The following THSD7A variants were observed in gnomAD, a reference collection of about 807,000 sequenced individuals.
THSD7A encodes thrombospondin type-1 domain-containing protein 7A.
In THSD7A, 96 loss-of-function variants were observed where a neutral mutation model predicts 231.3. The ratio of observed to expected loss-of-function variants is 0.41; its 90% CI spans 0.35 to 0.49. The LOEUF (loss-of-function observed/expected upper bound fraction) is 0.49, where lower values mean the gene tolerates loss of function less well. Ranked by LOEUF, THSD7A falls within the 20% of genes least tolerant of loss-of-function variation. THSD7A has a pLI of 0.05. For missense variants in THSD7A, 2,290 were observed against 2,070.2 expected, an observed-to-expected ratio of 1.11 and a Z score of -2.06; for synonymous variants, 940 against 743.3, an observed-to-expected ratio of 1.26 and a Z score of -4.30.
intron 1 of THSD7A, among the ~76,000 whole-genome samples, chr7:11,693,015 A>T (rs1043798960): frequency 6.6e-6 from 1 of 151,470 alleles, no homozygotes; most frequent in Admixed American, 6.6e-5. Context: ...TGTTTGTTTT[A>T]GAATACACTG....
intron 4 of THSD7A, among the ~76,000 whole-genome samples, chr7:11,567,611 C>T (rs1361766792): frequency 6.6e-6 from 1 of 152,118 alleles, no homozygotes; most frequent in African/African-American, 2.4e-5. Flanking sequence ...TTAAAACTAC[C>T]GATAGCTGGA....
chr7:11,697,171 T>C (rs1035369821), intron 1 of THSD7A, among the ~76,000 whole-genome samples: 6 of 151,410 alleles, frequency 4.0e-5, no homozygotes, highest in Non-Finnish European at 8.9e-5. Context: ...AACTTAATGT[T>C]TTCCCATGTT....
intron 2 of THSD7A, among the ~76,000 whole-genome samples, chr7:11,630,229 G>C (rs1441443320): frequency 6.6e-6 from 1 of 152,154 alleles, no homozygotes; most frequent in Non-Finnish European, 1.5e-5. Context: ...GGCAAAAAGA[G>C]ATAAGCTGTG....
chr7:11,543,117 G>C lies in THSD7A; in HGVS notation c.1454C>G (p.Ala485Gly), dbSNP rs1304780612. The C allele has an allele frequency of 1.9e-6, 3 of 1,607,894 alleles. No homozygotes were observed. Among genetic ancestry groups the C allele is most frequent in the Admixed American group, 1.7e-5 (1 of 58,952 alleles). ...SQLSTHKNKE[A>G]SKPMDLKLCT... ...TAATTTTAAGTCCATTGGCTTTGAG[G>C]CTAGAGAAAAATACAGACACATATT... Residue 485 changes from alanine (A) to glycine (G), a missense_variant and splice_region_variant, in exon 5 of 28, where the codon GCC (alanine) becomes GGC (glycine). Transcript: ENST00000423059.
At chr7:11,522,873 T>C (rs893998387) in intron 6 of THSD7A, among the ~76,000 whole-genome samples, 1 of 152,158 alleles carries the variant, frequency 6.6e-6, no homozygotes, top group African/African-American at 2.4e-5. Flanking sequence ...GTACATATGA[T>C]ATTTTTCTTT....
At chr7:11,667,014 G>A (rs1783161787) in intron 1 of THSD7A, among the ~76,000 whole-genome samples, 1 of 151,902 alleles carries the variant, frequency 6.6e-6, no homozygotes, top group Admixed American at 6.6e-5. Flanking sequence ...AATTTGTTTA[G>A]GTTTATTCAC....
chr7:11,591,324 C>T (rs1417695196), intron 3 of THSD7A, among the ~76,000 whole-genome samples: 2 of 151,776 alleles, frequency 1.3e-5, no homozygotes, highest in Non-Finnish European at 2.9e-5. Context: ...ATTGTCAGTC[C>T]AACACGTGAT....
intron 13 of THSD7A, among the ~76,000 whole-genome samples, chr7:11,433,505 T>A (rs1275253996): frequency 6.6e-6 from 1 of 152,010 alleles, no homozygotes; most frequent in African/African-American, 2.4e-5. Context: ...CTACAATGAA[T>A]TAAGAACCAT....
chr7:11,581,119 C>T (rs760813707), intron 4 of THSD7A, among the ~76,000 whole-genome samples: 1 of 151,890 alleles, frequency 6.6e-6, no homozygotes, highest in Non-Finnish European at 1.5e-5. Context: ...TGTGTGTTCC[C>T]AACATACACA....
intron 10 of THSD7A, 36 bp from the exon 11 acceptor site, chr7:11,460,801 GC>G (rs1785479078): frequency 1.3e-6 from 2 of 1,558,258 alleles, no homozygotes; most frequent in Non-Finnish European, 1.8e-6. Flanking sequence ...TGGGGAAGAA[GC>G]AAAAATGCCA....
intron 1 of THSD7A, among the ~76,000 whole-genome samples, chr7:11,803,645 T>G (rs1407866294): frequency 6.6e-6 from 1 of 152,166 alleles, no homozygotes; most frequent in Non-Finnish European, 1.5e-5. Flanking sequence ...ATTTCCTACT[T>G]GGCTATGCTA....
At position 11,379,659 on chromosome 7, in the gene THSD7A, A is replaced by G; in HGVS notation, c.4561T>C (p.Cys1521Arg). 3 of 1,591,952 alleles carry G rather than the reference A, an allele frequency of 1.9e-6. No individual in the cohort carries two copies. Among genetic ancestry groups the G allele is most frequent in the Non-Finnish European group, 2.6e-6 (3 of 1,168,546 alleles). The change falls in exon 25 of 28, where the codon TGT becomes CGT. Residue 1521 changes from cysteine to arginine, a missense_variant. Cys to Arg is a radical substitution (Grantham distance 180). Transcript: ENST00000423059. ...PDADRSCNPP[C>R]SQPHSYCSET... ...CTACAGTACGAGTGGGGTTGACTACACGGTGGGTTACAAGACCTGTCGGCA... is the reference window on the plus strand; with the variant it reads ...CTACAGTACGAGTGGGGTTGACTACGCGGTGGGTTACAAGACCTGTCGGCA...
intron 1 of THSD7A, chr7:11,820,883 G>C (rs1784854538): frequency 1.1e-6 from 1 of 888,948 alleles, no homozygotes; most frequent in Admixed American, 2.0e-5. Flanking sequence ...CCCTCGAGTG[G>C]CTGGAGTCTC....
chr7:11,596,028 A>T (rs1307852912), intron 2 of THSD7A, among the ~76,000 whole-genome samples: 1 of 152,242 alleles, frequency 6.6e-6, no homozygotes, highest in Non-Finnish European at 1.5e-5. Context: ...GGTCAAATGG[A>T]CAAAAGACAT....
At chr7:11,564,235 G>A (rs970136914) in intron 4 of THSD7A, among the ~76,000 whole-genome samples, 1 of 152,184 alleles carries the variant, frequency 6.6e-6, no homozygotes, top group Non-Finnish European at 1.5e-5. Flanking sequence ...TTATATTCTA[G>A]TTTTAACTTC....
intron 1 of THSD7A, among the ~76,000 whole-genome samples, chr7:11,722,243 G>T (rs1352524604): frequency 1.3e-5 from 2 of 151,858 alleles, no homozygotes; most frequent in African/African-American, 4.8e-5. Flanking sequence ...CTCAGGAACT[G>T]AAGTCCCCTT....
intron 1 of THSD7A, among the ~76,000 whole-genome samples, chr7:11,646,199 T>C (rs1457464078): frequency 6.6e-6 from 1 of 151,990 alleles, no homozygotes; most frequent in Non-Finnish European, 1.5e-5. Context: ...TAAAAAGATC[T>C]ATTTGAACAG....
intron 1 of THSD7A, among the ~76,000 whole-genome samples, chr7:11,698,659 C>A (rs1224363837): frequency 1.3e-5 from 2 of 151,392 alleles, no homozygotes; most frequent in Non-Finnish European, 3.0e-5. Flanking sequence ...CACCTTTATT[C>A]CTCAAAGTAT....
intron 23 of THSD7A, among the ~76,000 whole-genome samples, chr7:11,391,260 C>T (rs529650816): frequency 1.3e-5 from 2 of 152,322 alleles, no homozygotes; most frequent in African/African-American, 4.8e-5. Flanking sequence ...TAGCCCCTGA[C>T]TGGGGCTCCT....
Sources: gnomAD v4.1 joint callset for allele counts (sites outside exome capture counted in the v4.1 genomes callset) on GRCh38, gnomAD v4.1.1 for gene constraint, MANE v1.5 for transcripts, NCBI Gene and HGNC (gene_info 2026-07-23, HGNC 2026-07-21) for gene names.